Variants in CGGBP1 observed in about 807,000 individuals in gnomAD.
CGGBP1 encodes CGG triplet repeat binding protein 1.
Under a neutral mutation model 11.4 loss-of-function variants are expected in CGGBP1, and 4 were observed. The ratio of observed to expected loss-of-function variants is 0.35; its 90% CI spans 0.17 to 0.80. The LOEUF is 0.80. Ranked by LOEUF, CGGBP1 falls within the 30% of genes least tolerant of loss-of-function variation. The pLI is 0.52. For synonymous variants in CGGBP1, 76 were observed against 74.1 expected, an observed-to-expected ratio of 1.03 and a Z score of -0.13; for missense variants, 135 against 202.1, an observed-to-expected ratio of 0.67 and a Z score of 2.01.
chr3:88,070,842 T>A (rs1264088955), intron 2 of CGGBP1, among the ~76,000 whole-genome samples: 2 of 152,206 alleles, frequency 1.3e-5, no homozygotes, highest in Non-Finnish European at 2.9e-5. Flanking sequence ...ATTAAGCAAC[T>A]ACCTTAAGAC....
rs1275580420 is a variant in CGGBP1 at position 88,055,626 on chromosome 3, T to C, written c.351A>G (p.Pro117=). 2 of 1,614,144 alleles carry C rather than the reference T, an allele frequency of 1.2e-6. No individual in the cohort carries two copies. Among genetic ancestry groups the C allele is most frequent in the South Asian group, 1.1e-5 (1 of 91,076 alleles). Residue 117 remains proline (P), a synonymous_variant, in exon 4 of 4, where the codon CCA becomes CCG. Transcript: ENST00000482016. The surrounding 1 kb of genome is among the most constrained non-coding windows in gnomAD (Gnocchi z 4.2). Reference sequence around the variant, plus strand: ...CTGCTGGGTGATCAGCCTTCTCAAGTGGGATGTTGGCTTCCAGGCACATTT... The same window carrying C: ...CTGCTGGGTGATCAGCCTTCTCAAGCGGGATGTTGGCTTCCAGGCACATTT... The part of the protein sequence containing the change: ...FVKMCLEANI[P]LEKADHPAVR...
At chr3:88,086,150 C>G (rs1708325971) in intron 2 of CGGBP1, 4 of 984,326 alleles carry the variant, frequency 4.1e-6, no homozygotes, top group Non-Finnish European at 4.4e-6. Flanking sequence ...CACCTGTGTT[C>G]ATGCCGATCT....
chr3:88,103,067 C>A (rs4276212), intron 2 of CGGBP1, among the ~76,000 whole-genome samples: 119,016 of 151,886 alleles, frequency 0.78, 47,532 homozygotes, highest in South Asian at 0.91. Context: ...TATAAGTGAG[C>A]ACATGTGTTA....
At chr3:88,067,916 C>G (rs2107603656) in intron 2 of CGGBP1, among the ~76,000 whole-genome samples, 1 of 149,866 alleles carries the variant, frequency 6.7e-6, no homozygotes, top group South Asian at 2.1e-4. Context: ...TTGGTGTGAA[C>G]TGTGTACACT....
chr3:88,078,449 G>T (rs58927407), intron 2 of CGGBP1, among the ~76,000 whole-genome samples: 8,489 of 152,178 alleles, frequency 0.056, 261 homozygotes, highest in Admixed American at 0.078. Flanking sequence ...ACTGGGGTAG[G>T]GGGTGGGACA....
chr3:88,103,527 A>T (rs1451018408), intron 2 of CGGBP1, among the ~76,000 whole-genome samples: 1 of 152,196 alleles, frequency 6.6e-6, no homozygotes, highest in Non-Finnish European at 1.5e-5. Context: ...TTTCAGAAGA[A>T]GATAAAATGA....
chr3:88,130,616 A>C (rs896480811), intron 2 of CGGBP1, among the ~76,000 whole-genome samples: 1 of 28,130 alleles, frequency 3.6e-5, no homozygotes, highest in African/African-American at 7.6e-5. Context: ...ATGCCCAGCT[A>C]ATTTTTTTTT....
rs186266951 is a variant in CGGBP1, at chr3:88,054,087, A to G, written c.*1386T>C. ...TTTTCACTTTGGCTTTTTCTTTTAT[A>G]AATGAAGATTTGTGGTAAAAGTCAA... On this transcript the variant is annotated 3_prime_UTR_variant, in exon 4 of 4. Coordinates refer to ENST00000482016, the MANE Select transcript of CGGBP1 (RefSeq NM_001008390.2). The G allele has an allele frequency of 2.0e-5, 3 of 152,738 alleles. No homozygotes were observed. Among genetic ancestry groups the G allele is most frequent in the Admixed American group, 1.3e-4 (2 of 15,308 alleles). 9.5% of individuals were successfully genotyped at this position (152,738 alleles called of 1,614,324 possible).
At chr3:88,119,706 G>A (rs1173618769) in intron 2 of CGGBP1, among the ~76,000 whole-genome samples, 1 of 152,000 alleles carries the variant, frequency 6.6e-6, no homozygotes, top group Non-Finnish European at 1.5e-5. Flanking sequence ...AAAAAATCTT[G>A]CATGCACCTT....
At chr3:88,062,698 T>C (rs566784263), upstream of CGGBP1, among the ~76,000 whole-genome samples, 45 of 152,338 alleles carry the variant, frequency 3.0e-4, no homozygotes, top group African/African-American at 1.1e-3. Flanking sequence ...AAAGGATTTC[T>C]GGAACCACTT....
At chr3:88,082,267 C>G (rs1227405604) in intron 2 of CGGBP1, among the ~76,000 whole-genome samples, 3 of 152,106 alleles carry the variant, frequency 2.0e-5, no homozygotes, top group Non-Finnish European at 2.9e-5. Flanking sequence ...GCTAGGACTA[C>G]AGGCGCGTGC....
chr3:88,141,729 G>C, intron 1 of CGGBP1: 1 of 1,179,386 alleles, frequency 8.5e-7, no homozygotes, highest in African/African-American at 1.5e-5. Flanking sequence ...TCATCAGTTT[G>C]CTATTTCCCT....
At chr3:88,061,940 C>T (rs1452365363), upstream of CGGBP1, among the ~76,000 whole-genome samples, 3 of 152,064 alleles carry the variant, frequency 2.0e-5, no homozygotes, top group Non-Finnish European at 2.9e-5. Flanking sequence ...TTATCTTCCT[C>T]TTTTTAGAGG....
At chr3:88,114,584 C>T (rs1334552567) in intron 2 of CGGBP1, among the ~76,000 whole-genome samples, 1 of 152,160 alleles carries the variant, frequency 6.6e-6, no homozygotes, top group Non-Finnish European at 1.5e-5. Context: ...CCTGCCTCCC[C>T]CAGCCTTTTA....
At chr3:88,088,853 A>G (rs1189542366) in intron 2 of CGGBP1, among the ~76,000 whole-genome samples, 1 of 151,886 alleles carries the variant, frequency 6.6e-6, no homozygotes, top group Admixed American at 6.6e-5. Flanking sequence ...GCTCACTGCA[A>G]CCTACATCTC....
chr3:88,067,089 G>C (rs929354591), intron 2 of CGGBP1, among the ~76,000 whole-genome samples: 4 of 152,170 alleles, frequency 2.6e-5, no homozygotes, highest in Non-Finnish European at 5.9e-5. Context: ...CATCTAAACA[G>C]TAAAAAAGTC....
At chr3:88,063,289 TG>T, upstream of CGGBP1, among the ~76,000 whole-genome samples, 1 of 152,282 alleles carries the variant, frequency 6.6e-6, no homozygotes. Flanking sequence ...GGACTCTTAG[TG>T]GGTACCTTTT....
chr3:88,141,167 A>ATT, intron 1 of CGGBP1: 2 of 1,137,298 alleles, frequency 1.8e-6, no homozygotes, highest in Non-Finnish European at 2.4e-6. Context: ...GTAGTGAAGC[A>ATT]TTACTCCATA....
chr3:88,079,488 C>T (rs1707974255), intron 2 of CGGBP1, among the ~76,000 whole-genome samples: 2 of 151,934 alleles, frequency 1.3e-5, no homozygotes, highest in African/African-American at 2.4e-5. Context: ...AGATGGATGT[C>T]ACATCTATCT....
Sources: gnomAD v4.1 joint callset for allele counts (sites outside exome capture counted in the v4.1 genomes callset) on GRCh38, gnomAD v4.1.1 for gene constraint, Gnocchi (gnomAD v3.1) non-coding constraint, MANE v1.5 for transcripts, NCBI Gene and HGNC (gene_info 2026-07-23, HGNC 2026-07-21) for gene names.